The following CHD7 variants were observed in gnomAD, a reference collection of about 807,000 sequenced individuals.
CHD7 encodes chromodomain helicase DNA binding protein 7.
CHD7 carries 24 observed loss-of-function variants against 307.3 expected under a neutral mutation model. The ratio of observed to expected loss-of-function variants is 0.08; its 90% CI spans 0.06 to 0.11. The LOEUF (loss-of-function observed/expected upper bound fraction) is 0.11, where lower values mean the gene tolerates loss of function less well. CHD7 is among the 10% of genes least tolerant of loss of function. CHD7 has a pLI of 1.00. For missense variants in CHD7, 3,106 were observed against 3,727.1 expected (o/e 0.83, Z 4.34); for synonymous variants, 1,363 against 1,349.9 (o/e 1.01, Z -0.21).
intron 1 of CHD7, among the ~76,000 whole-genome samples, chr8:60,714,909 G>T (rs1286296912): frequency 1.3e-5 from 2 of 152,238 alleles, no homozygotes; most frequent in African/African-American, 4.8e-5. Flanking sequence ...GCGGCTGAAT[G>T]AATGAATGAA....
At chr8:60,679,308 C>T (rs1025284438) in intron 1 of CHD7, among the ~76,000 whole-genome samples, 23 of 146,508 alleles carry the variant, frequency 1.6e-4, no homozygotes, top group Admixed American at 6.1e-4. Context: ...GGGGCCCGAA[C>T]CCGCGCCCCG....
Position 60,757,654 on chromosome 8 carries a change from G to A in CHD7, c.1665+14557G>A, listed in dbSNP as rs114605419. Among the ~76,000 whole-genome samples, 721 of 152,280 alleles carry A rather than the reference G, an allele frequency of 4.7e-3. 2 individuals carry two copies. Among genetic ancestry groups the A allele is most frequent in the African/African-American group, 0.016 (679 of 41,546 alleles). On this transcript the variant is annotated intron_variant, in intron 2 of 37. Transcript: ENST00000423902. The stretch of plus-strand genomic sequence containing the variant: ...TGAGTGAAAGCCATTTTGGTAAAGA[G>A]AAGTGATTGTAAAAAGGAAGGTGGA...
intron 15 of CHD7, among the ~76,000 whole-genome samples, chr8:60,834,579 T>C (rs1804662646): frequency 6.6e-6 from 1 of 152,240 alleles, no homozygotes; most frequent in Non-Finnish European, 1.5e-5. Flanking sequence ...TACTCTTGCA[T>C]TTATTTTCCA....
intron 3 of CHD7, among the ~76,000 whole-genome samples, chr8:60,790,774 G>T (rs949572274): frequency 1.3e-5 from 2 of 152,070 alleles, no homozygotes; most frequent in African/African-American, 4.8e-5. Context: ...CACATATAGT[G>T]CTTTGATTTT....
chr8:60,692,903 G>A (rs989578365), intron 1 of CHD7, among the ~76,000 whole-genome samples: 10 of 152,154 alleles, frequency 6.6e-5, no homozygotes, highest in Non-Finnish European at 1.2e-4. Flanking sequence ...TAACTCCTAC[G>A]TCTGTATTCT....
chr8:60,730,850 ACT>A (rs1294493565), intron 1 of CHD7, among the ~76,000 whole-genome samples: 1 of 149,810 alleles, frequency 6.7e-6, no homozygotes, highest in Non-Finnish European at 1.5e-5. Context: ...ACAGAGCGAG[ACT>A]CTGTCTCAAA....
chr8:60,867,300 C>A lies in CHD7; in HGVS notation c.*1367C>A, dbSNP rs954689898. ...TATCCTTGGTTAATGGGTAGAAAAA[C>A]ACAATGCGGTAGTGTCAGCAAGGGA... On this transcript the variant is annotated 3_prime_UTR_variant, in exon 38 of 38. Coordinates refer to ENST00000423902, the MANE Select transcript of CHD7 (RefSeq NM_017780.4). 2 of 152,164 alleles carry A rather than the reference C, an allele frequency of 1.3e-5. No homozygotes were observed. The highest frequency in any genetic ancestry group is 2.4e-5 in the African/African-American group (1 of 41,450). 9.4% of individuals were successfully genotyped at this position (152,164 alleles called of 1,614,324 possible).
intron 2 of CHD7, among the ~76,000 whole-genome samples, chr8:60,780,404 A>T (rs1811150119): frequency 1.3e-5 from 2 of 152,238 alleles, no homozygotes; most frequent in Admixed American, 6.5e-5. Context: ...AATGCAAGAA[A>T]TTTCACCAAT....
chr8:60,741,927 A>G lies in CHD7; in HGVS notation c.495A>G (p.Pro165=). The part of the protein sequence containing the change: ...QIRAPYQQQQ[P]QPQPPQPAPS... ...GAGCCCCCTACCAGCAGCAGCAGCC[A>G]CAGCCGCAGCCACCGCAGCCGGCTC... Residue 165 remains proline (P), a synonymous_variant, in exon 2 of 38, where the codon CCA becomes CCG. Coordinates refer to ENST00000423902, the MANE Select transcript of CHD7 (RefSeq NM_017780.4). The G allele has an allele frequency of 2.5e-6, 4 of 1,613,060 alleles. No individual in the cohort carries two copies. Among genetic ancestry groups the G allele is most frequent in the South Asian group, 1.1e-5 (1 of 91,022 alleles).
chr8:60,850,479 T>TCC lies in CHD7; in HGVS notation c.5405-14_5405-13insCC, dbSNP rs1203455158. 6.3e-7 allele frequency: 1 copy of TCC among 1,597,602 alleles called. No homozygotes were observed. The highest frequency in any genetic ancestry group is 8.6e-7 in the Non-Finnish European group (1 of 1,166,434). On this transcript the variant is annotated splice_polypyrimidine_tract_variant and intron_variant, in intron 25 of 37. Coordinates refer to ENST00000423902, the MANE Select transcript of CHD7 (RefSeq NM_017780.4). ...TTTCTGTGTGTTTTCTGTGCACGGA[T>TCC]GGGCACGGCACAGGCTATGAGAAGT...
intron 1 of CHD7, among the ~76,000 whole-genome samples, chr8:60,730,121 G>GT (rs1014327946): frequency 2.1e-4 from 32 of 152,116 alleles, no homozygotes; most frequent in Admixed American, 1.8e-3. Flanking sequence ...TTGTATTGTA[G>GT]TTTTAAAAAA....
chr8:60,824,468 T>A (rs1172887056), intron 13 of CHD7: 1 of 170,634 alleles, frequency 5.9e-6, no homozygotes, highest in East Asian at 1.6e-4. Context: ...ATATCTGAAA[T>A]CTGAAACACT....
At chr8:60,714,621 G>A (rs145860561) in intron 1 of CHD7, among the ~76,000 whole-genome samples, 233 of 152,296 alleles carry the variant, frequency 1.5e-3, no homozygotes, top group Non-Finnish European at 2.9e-3. Context: ...GCCTGGTTCC[G>A]CCCTTTCTTG....
chr8:60,729,937 A>G (rs568247596), intron 1 of CHD7, among the ~76,000 whole-genome samples: 3 of 152,350 alleles, frequency 2.0e-5, no homozygotes, highest in African/African-American at 7.2e-5. Context: ...CTGTCCTAAT[A>G]TCAAGAGTCT....
chr8:60,730,176 A>G lies in CHD7; in HGVS notation c.-174-11083A>G, dbSNP rs1010343847. Among the ~76,000 whole-genome samples, 36 of 152,204 alleles carry G rather than the reference A, an allele frequency of 2.4e-4. 1 individual carries two copies. Among genetic ancestry groups the G allele is most frequent in the Admixed American group, 9.2e-4 (14 of 15,284 alleles). ...TTAATTACTGATAGTATTATAAAAG[A>G]TGTTTCTTGAAGTTAGTTTTCCCCC... is the stretch of plus-strand genomic sequence containing the variant. On this transcript the variant is annotated intron_variant, in intron 1 of 37. Coordinates refer to ENST00000423902, the MANE Select transcript of CHD7 (RefSeq NM_017780.4).
At chr8:60,821,434 A>G (rs1804026557) in intron 9 of CHD7, among the ~76,000 whole-genome samples, 1 of 152,038 alleles carries the variant, frequency 6.6e-6, no homozygotes, top group South Asian at 2.1e-4. Context: ...CATAGTTTTT[A>G]AATTTCTGTC....
chr8:60,858,820 G>A (rs1805835483), intron 34 of CHD7, among the ~76,000 whole-genome samples: 1 of 152,162 alleles, frequency 6.6e-6, no homozygotes, highest in Admixed American at 6.5e-5. Context: ...ATGTTGCCCA[G>A]GCTGGTCTCA....
intron 15 of CHD7, 23 bp downstream of exon 15, chr8:60,830,600 C>T (rs1804463088): frequency 6.2e-7 from 1 of 1,606,348 alleles, no homozygotes. Flanking sequence ...TGCTCGCGAA[C>T]TTGCTTAAGT....
chr8:60,861,090 C>T lies in CHD7; in HGVS notation c.7795C>T (p.Pro2599Ser), dbSNP rs1805948281. 5.0e-6 allele frequency: 8 copies of T among 1,606,322 alleles called. No homozygotes were observed. Among genetic ancestry groups the T allele is most frequent in the Admixed American group, 1.7e-5 (1 of 58,832 alleles). Residue 2599 changes from proline (P) to serine (S), a missense_variant, in exon 35 of 38, where the codon CCT becomes TCT. By Grantham distance (74) the Pro-to-Ser change is moderately conservative. This residue lies in a region of CHD7 where 1,030 missense variants were observed against 1,165.4 expected (regional missense o/e 0.88). Transcript: ENST00000423902. ...TTTAGTTGAATGGCTGAAGCTGCAC[C>T]CTACTTACACTGTTGATATGCCAAG... ...KDLVEWLKLH[P>S]TYTVDMPSYV...
Sources: gnomAD v4.1 joint callset for allele counts (sites outside exome capture counted in the v4.1 genomes callset) on GRCh38, gnomAD v4.1.1 for gene constraint, gnomAD v4.1.1 regional missense constraint, MANE v1.5 for transcripts, NCBI Gene and HGNC (gene_info 2026-07-23, HGNC 2026-07-21) for gene names.